The following TAF4B variants were observed in gnomAD, a reference collection of about 807,000 sequenced individuals.
TAF4B encodes transcription initiation factor TFIID subunit 4B.
TAF4B carries 38 observed loss-of-function variants against 86.4 expected under a neutral mutation model. That is an observed-to-expected ratio of 0.44 (90% CI 0.34 to 0.58). The LOEUF (loss-of-function observed/expected upper bound fraction) is 0.58, where lower values mean the gene tolerates loss of function less well. Among genes scored for constraint, TAF4B ranks in the 20% least tolerant of loss-of-function variants. TAF4B has a pLI of 0.02. For missense variants in TAF4B, 988 were observed against 1,027.6 expected (o/e 0.96, Z 0.53); for synonymous variants, 388 against 391.2 (o/e 0.99, Z 0.10).
chr18:26,295,301 G>T, intron 9 of TAF4B: 1 of 294,816 alleles, frequency 3.4e-6, no homozygotes, highest in Non-Finnish European at 6.8e-6. Context: ...AAATTCCTCA[G>T]GAAAGGCTCA....
Position 26,293,485 on chromosome 18 carries a change from C to T in TAF4B, c.1786C>T (p.Pro596Ser), listed in dbSNP as rs751503758. Reference sequence around the variant, plus strand: ...TAAAATTCTGTCACTTCAAGCATCTCCTACTCAGAAAAATAGAATAAAAGA... The same window carrying T: ...TAAAATTCTGTCACTTCAAGCATCTTCTACTCAGAAAAATAGAATAAAAGA... ...GNKILSLQASPTQKNRIKENV... is the reference protein window; with the variant it reads ...GNKILSLQASSTQKNRIKENV... Residue 596 changes from proline to serine, a missense_variant, in exon 9 of 15, where the codon CCT (proline) becomes TCT (serine). Physicochemically the swap from Pro to Ser is moderately conservative, Grantham distance 74. This residue lies in a region of TAF4B where 747 missense variants were observed against 737.9 expected (regional missense o/e 1.01). Transcript: ENST00000269142. 17 of 1,593,218 alleles carry T rather than the reference C, an allele frequency of 1.1e-5. No individual in the cohort carries two copies. In the East Asian group the frequency reaches 1.1e-4, roughly 11 times the overall value.
At chr18:26,308,074 A>C (rs1405751690) in intron 9 of TAF4B, among the ~76,000 whole-genome samples, 7 of 151,830 alleles carry the variant, frequency 4.6e-5, no homozygotes. Flanking sequence ...GAGCCATTGC[A>C]CTCAAGCCAA....
intron 14 of TAF4B, among the ~76,000 whole-genome samples, chr18:26,380,618 G>T (rs1411711115): frequency 6.6e-6 from 1 of 152,038 alleles, no homozygotes; most frequent in East Asian, 1.9e-4. Flanking sequence ...TTGTCTTGAA[G>T]TCTGCTTTGT....
chr18:26,307,759 G>A (rs1020536703), intron 9 of TAF4B, among the ~76,000 whole-genome samples: 4 of 152,110 alleles, frequency 2.6e-5, no homozygotes, highest in African/African-American at 9.7e-5. Context: ...GAATTAGATT[G>A]TCTAGTGTAT....
intron 7 of TAF4B, among the ~76,000 whole-genome samples, chr18:26,289,090 C>G (rs188440387): frequency 6.6e-6 from 1 of 152,172 alleles, no homozygotes; most frequent in African/African-American, 2.4e-5. Context: ...AGCAAAACAA[C>G]ATAAACCATT....
chr18:26,323,075 T>G (rs1330943273), intron 11 of TAF4B, among the ~76,000 whole-genome samples: 4 of 152,204 alleles, frequency 2.6e-5, no homozygotes, highest in Admixed American at 2.6e-4. Context: ...CTAGCTGTAT[T>G]CCGTTGTGGT....
At chr18:26,374,517 C>T (rs1791756) in intron 14 of TAF4B, among the ~76,000 whole-genome samples, 141,528 of 152,274 alleles carry the variant, frequency 0.93, 66,099 homozygotes, top group East Asian at 0.99. Context: ...TTGCCTGTTA[C>T]ATAGGATTGC....
At position 26,315,192 on chromosome 18, in the gene TAF4B, C is replaced by CACACACAA. The variant is rs749841898; in HGVS notation, c.1833-36_1833-35insCACACAAA. 2.5e-5 allele frequency: 34 copies of CACACACAA among 1,333,544 alleles called. No individual in the cohort carries two copies. In the African/African-American group the frequency reaches 5.4e-4, roughly 21 times the overall value. The allele number at this position is 1,333,544 out of a possible 1,614,324, so 82.6% of individuals were successfully genotyped here. On this transcript the variant is annotated intron_variant, in intron 9 of 14. Coordinates refer to ENST00000269142, the MANE Select transcript of TAF4B (RefSeq NM_005640.3). ...ACACACACACACACACACACACACA[C>CACACACAA]AACCTAAAATGTATAACTTTTTTTT...
intron 3 of TAF4B, among the ~76,000 whole-genome samples, chr18:26,269,775 A>C (rs568093281): frequency 6.6e-6 from 1 of 152,246 alleles, no homozygotes; most frequent in South Asian, 2.1e-4. Context: ...ATTTTATATG[A>C]GAGGTTAAGA....
At chr18:26,249,487 A>G (rs1002786268) in intron 1 of TAF4B, among the ~76,000 whole-genome samples, 3 of 152,170 alleles carry the variant, frequency 2.0e-5, no homozygotes, top group African/African-American at 4.8e-5. Context: ...CAAAAAAAAA[A>G]AAGATCATTT....
intron 13 of TAF4B, among the ~76,000 whole-genome samples, chr18:26,349,732 A>G (rs1158704062): frequency 6.6e-6 from 1 of 152,220 alleles, no homozygotes; most frequent in Non-Finnish European, 1.5e-5. Context: ...ACTGCAAAAG[A>G]CCTCAAATAG....
intron 1 of TAF4B, among the ~76,000 whole-genome samples, chr18:26,235,877 C>G (rs1011040563): frequency 2.6e-5 from 4 of 152,224 alleles, no homozygotes; most frequent in Admixed American, 6.5e-5. Context: ...TCTCCACTGA[C>G]TGTTTGGTTT....
intron 1 of TAF4B, among the ~76,000 whole-genome samples, chr18:26,246,813 G>A (rs762711052): frequency 4.0e-5 from 6 of 151,872 alleles, no homozygotes; most frequent in Admixed American, 6.6e-5. Context: ...CATTACAGGC[G>A]TGAGCCACCG....
At chr18:26,285,718 C>T (rs1179292946) in intron 6 of TAF4B, among the ~76,000 whole-genome samples, 164 bp from the exon 7 acceptor site, 1 of 152,136 alleles carries the variant, frequency 6.6e-6, no homozygotes, top group Non-Finnish European at 1.5e-5. Context: ...TGATTGTATC[C>T]TGGATATTGG....
chr18:26,244,728 A>C (rs187477872), intron 1 of TAF4B, among the ~76,000 whole-genome samples: 6 of 152,288 alleles, frequency 3.9e-5, no homozygotes, highest in Admixed American at 2.0e-4. Context: ...TATACTAGAA[A>C]TTATCCTTAT....
intron 7 of TAF4B, 127 bp from the exon 8 acceptor site, chr18:26,292,119 G>A: frequency 1.0e-6 from 1 of 997,214 alleles, no homozygotes; most frequent in Non-Finnish European, 1.4e-6. Flanking sequence ...ATTTAAAGTA[G>A]GCATTCTTGT....
intron 3 of TAF4B, among the ~76,000 whole-genome samples, chr18:26,270,732 C>T (rs1389829633): frequency 6.6e-6 from 1 of 150,878 alleles, no homozygotes; most frequent in Non-Finnish European, 1.5e-5. Flanking sequence ...TGAATGTAGG[C>T]TTCAAACTAT....
At chr18:26,347,067 C>T (rs1442425605) in intron 13 of TAF4B, among the ~76,000 whole-genome samples, 1 of 148,844 alleles carries the variant, frequency 6.7e-6, no homozygotes, top group Admixed American at 6.7e-5. Flanking sequence ...ACTACAGGTG[C>T]CCACCACCAA....
At chr18:26,239,566 T>A (rs1354606155) in intron 1 of TAF4B, among the ~76,000 whole-genome samples, 1 of 152,270 alleles carries the variant, frequency 6.6e-6, no homozygotes, top group Non-Finnish European at 1.5e-5. Context: ...TAGTTTCTTA[T>A]GCTGTGCAGA....
Sources: allele counts gnomAD v4.1 joint callset (sites outside exome capture counted in the v4.1 genomes callset), GRCh38; gene constraint gnomAD v4.1.1; regional missense constraint gnomAD v4.1.1; transcripts MANE v1.5; gene names NCBI Gene and HGNC (gene_info 2026-07-23, HGNC 2026-07-21).